The following LAMP3 variants were observed in gnomAD, a reference collection of about 807,000 sequenced individuals.
The protein encoded by LAMP3 is lysosome-associated membrane glycoprotein 3.
Under a neutral mutation model 34.8 loss-of-function variants are expected in LAMP3, and 26 were observed. That is an observed-to-expected ratio of 0.75 (90% confidence interval 0.55 to 1.04). LAMP3 has a LOEUF of 1.04. Among genes scored for constraint, LAMP3 ranks in the 50% least tolerant of loss-of-function variants. The probability of loss-of-function intolerance (pLI) is 0.00; values close to 1 mark genes in which losing one functional copy is unlikely to be tolerated. For synonymous variants in LAMP3, 180 were observed against 201.9 expected, an observed-to-expected ratio of 0.89 and a Z score of 0.92; for missense variants, 495 against 524.0, an observed-to-expected ratio of 0.94 and a Z score of 0.54.
intron 3 of LAMP3, among the ~76,000 whole-genome samples, chr3:183,145,947 T>C (rs1172230998): frequency 6.6e-6 from 1 of 152,258 alleles, no homozygotes; most frequent in Non-Finnish European, 1.5e-5. Context: ...CCAAGCTCAT[T>C]GTTAGGGACA....
rs1720733425 is a variant in LAMP3 at position 183,153,788 on chromosome 3, G to A, written c.653C>T (p.Pro218Leu). Residue 218 changes from proline (P) to leucine (L), a missense_variant, in exon 2 of 6, where the codon CCT (proline) becomes CTT (leucine). Coordinates refer to ENST00000265598, the MANE Select transcript of LAMP3 (RefSeq NM_014398.4). ...TCCAGTCTTGACTGACGATGGCTGA[G>A]GTGCAAGGGTGGGCCCAGGAACCGT... is the stretch of plus-strand genomic sequence containing the variant. The part of the protein sequence containing the change: ...ASTVPGPTLA[P>L]QPSSVKTGIY... 8 of 1,581,396 alleles carry A rather than the reference G, an allele frequency of 5.1e-6. No homozygotes were observed. Among genetic ancestry groups the A allele is most frequent in the Non-Finnish European group, 6.9e-6 (8 of 1,164,208 alleles).
At chr3:183,149,592 T>C (rs1321813005) in intron 3 of LAMP3, among the ~76,000 whole-genome samples, 2 of 120,296 alleles carry the variant, frequency 1.7e-5, no homozygotes, top group African/African-American at 6.2e-5. Context: ...TATATATATA[T>C]ATATATATAT....
At chr3:183,162,520 C>T in intron 1 of LAMP3, 87 bp downstream of exon 1, 1 of 1,353,522 alleles carries the variant, frequency 7.4e-7, no homozygotes, top group Non-Finnish European at 1.0e-6. Context: ...GCAGCCCGTC[C>T]TGTGGCGCCC....
intron 4 of LAMP3, among the ~76,000 whole-genome samples, chr3:183,137,518 A>G (rs563035602): frequency 6.6e-6 from 1 of 152,242 alleles, no homozygotes; most frequent in East Asian, 1.9e-4. Flanking sequence ...TGAATTAACA[A>G]GGTGGCATTA....
At chr3:183,157,619 G>T (rs1720858518) in intron 1 of LAMP3, among the ~76,000 whole-genome samples, 1 of 152,092 alleles carries the variant, frequency 6.6e-6, no homozygotes, top group African/African-American at 2.4e-5. Flanking sequence ...GAAAACACTT[G>T]CCAGTTGTTC....
chr3:183,127,379 C>A (rs2108594455), intron 5 of LAMP3, among the ~76,000 whole-genome samples: 1 of 152,322 alleles, frequency 6.6e-6, no homozygotes, highest in South Asian at 2.1e-4. Flanking sequence ...AAGTGATCCT[C>A]CAACCTCGGC....
chr3:183,138,061 G>T (rs930725026), intron 4 of LAMP3, among the ~76,000 whole-genome samples: 1 of 152,034 alleles, frequency 6.6e-6, no homozygotes, highest in Non-Finnish European at 1.5e-5. Flanking sequence ...GACCTGAGGT[G>T]ATCTGCCCAC....
intron 4 of LAMP3, among the ~76,000 whole-genome samples, chr3:183,139,831 G>A (rs1471833644): frequency 1.3e-5 from 2 of 152,170 alleles, no homozygotes; most frequent in Admixed American, 6.5e-5. Flanking sequence ...CTATTAGTTT[G>A]AAAAATTATG....
chr3:183,152,792 A>G (rs948983167), intron 2 of LAMP3, among the ~76,000 whole-genome samples: 3 of 152,212 alleles, frequency 2.0e-5, no homozygotes, highest in African/African-American at 7.2e-5. Context: ...ATGATACTAG[A>G]GGGAAGGGTT....
chr3:183,148,666 A>G (rs1003399906), intron 3 of LAMP3, among the ~76,000 whole-genome samples: 2 of 152,212 alleles, frequency 1.3e-5, no homozygotes, highest in African/African-American at 4.8e-5. Context: ...CCCAGTGAAA[A>G]TGGCTCTTAT....
intron 5 of LAMP3, among the ~76,000 whole-genome samples, chr3:183,126,313 C>T (rs1197585520): frequency 2.0e-5 from 3 of 151,816 alleles, no homozygotes; most frequent in African/African-American, 7.3e-5. Flanking sequence ...CTTGTGGGTC[C>T]AGTGTGAAAA....
At chr3:183,152,585 G>A in intron 2 of LAMP3, 82 bp from the exon 3 acceptor site, 2 of 1,321,642 alleles carry the variant, frequency 1.5e-6, no homozygotes, top group Non-Finnish European at 2.1e-6. Context: ...GCTAGTTTGT[G>A]AGCCTGAAAC....
At chr3:183,139,269 A>G (rs1232123281) in intron 4 of LAMP3, among the ~76,000 whole-genome samples, 2 of 152,110 alleles carry the variant, frequency 1.3e-5, no homozygotes, top group East Asian at 1.9e-4. Flanking sequence ...AGGTGCCTGT[A>G]ATCCCAGCTA....
chr3:183,141,892 G>A (rs890788975), intron 3 of LAMP3, among the ~76,000 whole-genome samples: 2 of 152,184 alleles, frequency 1.3e-5, no homozygotes, highest in African/African-American at 2.4e-5. Flanking sequence ...AGCCCTAAGA[G>A]GTGGCAGGGG....
At chr3:183,142,314 C>T (rs951471839) in intron 3 of LAMP3, among the ~76,000 whole-genome samples, 23 of 152,106 alleles carry the variant, frequency 1.5e-4, no homozygotes, top group Admixed American at 1.2e-3. Flanking sequence ...GTAAATGGCT[C>T]GGGCTGCACT....
chr3:183,153,174 CAAAAA>C, intron 2 of LAMP3, among the ~76,000 whole-genome samples: 1 of 46,710 alleles, frequency 2.1e-5, no homozygotes, highest in African/African-American at 7.9e-5. Flanking sequence ...GACTCCGTCT[CAAAAA>C]AAAAAAAAAA....
rs1290820544 is a variant in LAMP3, at chr3:183,131,919, T to G, written c.1117+3798A>C. The stretch of plus-strand genomic sequence containing the variant: ...TCCCTCAGATATCAACCGTCCCCCA[T>G]CAGGAATGTACTGCTTTTGGTGAAT... On this transcript the variant is annotated intron_variant, in intron 5 of 5. Coordinates refer to ENST00000265598, the MANE Select transcript of LAMP3 (RefSeq NM_014398.4). 8.1e-6 allele frequency: 8 copies of G among 985,194 alleles called. No homozygotes were observed. In the African/African-American group the frequency reaches 1.4e-4, roughly 17 times the overall value. The allele number at this position is 985,194 out of a possible 1,614,324, so 61.0% of individuals were successfully genotyped here. A position where few individuals can be genotyped will look rare whatever the true frequency, so the allele number is the denominator to read the frequency against.
chr3:183,137,627 C>T (rs1720139608), intron 4 of LAMP3, among the ~76,000 whole-genome samples: 1 of 152,116 alleles, frequency 6.6e-6, no homozygotes, highest in Non-Finnish European at 1.5e-5. Flanking sequence ...CTGCTACTAC[C>T]ATCCCCACTA....
chr3:183,150,565 C>CTTTTTTT (rs10665288), intron 3 of LAMP3, among the ~76,000 whole-genome samples: 9 of 86,092 alleles, frequency 1.0e-4, no homozygotes, highest in Non-Finnish European at 1.3e-4. Context: ...GCCAAAGTGA[C>CTTTTTTT]TTTTTTTTTT....
Sources: gnomAD v4.1 joint callset for allele counts (sites outside exome capture counted in the v4.1 genomes callset) on GRCh38, gnomAD v4.1.1 for gene constraint, MANE v1.5 for transcripts, NCBI Gene and HGNC (gene_info 2026-07-23, HGNC 2026-07-21) for gene names.